Variants in TYW1B observed in about 807,000 individuals in gnomAD.
TYW1B encodes S-adenosyl-L-methionine-dependent tRNA 4-demethylwyosine synthase TYW1B.
Under a neutral mutation model 86.9 loss-of-function variants are expected in TYW1B, and 73 were observed. The ratio of observed to expected loss-of-function variants is 0.84; its 90% CI spans 0.70 to 1.02. The LOEUF (loss-of-function observed/expected upper bound fraction) is 1.02. Among genes scored for constraint, TYW1B ranks in the 50% least tolerant of loss-of-function variants. The pLI is 0.00. For synonymous variants in TYW1B, 248 were observed against 292.8 expected, an observed-to-expected ratio of 0.85 and a Z score of 1.56; for missense variants, 637 against 827.4, an observed-to-expected ratio of 0.77 and a Z score of 2.82.
Position 72,629,013 on chromosome 7 carries a change from A to G in TYW1B, c.1507-16T>C. 2 of 1,581,380 alleles carry G rather than the reference A, an allele frequency of 1.3e-6. No homozygotes were observed. The highest frequency in any genetic ancestry group is 1.7e-6 in the Non-Finnish European group (2 of 1,163,780). On this transcript the variant is annotated splice_polypyrimidine_tract_variant and intron_variant, in intron 11 of 13. Coordinates refer to ENST00000620995, the MANE Select transcript of TYW1B (RefSeq NM_001145440.3). ...TTCGTTGTTGCTAAAACAAAGGAAA[A>G]GCCAACTTCGTTGTTATCTTGGTGG...
intron 2 of TYW1B, among the ~76,000 whole-genome samples, chr7:72,825,959 T>C (rs531868551): frequency 3.3e-4 from 51 of 152,292 alleles, no homozygotes; most frequent in Non-Finnish European, 6.5e-4. Context: ...GGGAAAAGGC[T>C]GGGAGAAAGA....
chr7:72,772,458 AGTG>A (rs1787884090), intron 7 of TYW1B, among the ~76,000 whole-genome samples: 1 of 152,218 alleles, frequency 6.6e-6, no homozygotes, highest in African/African-American at 2.4e-5. Flanking sequence ...ACCAGATGTC[AGTG>A]GGAGATTAAA....
chr7:72,684,613 C>T (rs1426992088), intron 11 of TYW1B, among the ~76,000 whole-genome samples: 2 of 152,126 alleles, frequency 1.3e-5, no homozygotes, highest in Non-Finnish European at 2.9e-5. Context: ...GTCAGAAACT[C>T]AGATCTAAGA....
At chr7:72,638,565 A>G (rs1812725620) in intron 11 of TYW1B, among the ~76,000 whole-genome samples, 1 of 152,216 alleles carries the variant, frequency 6.6e-6, no homozygotes, top group African/African-American at 2.4e-5. Context: ...ACTTAATGGC[A>G]AGAACCTGGA....
chr7:72,669,615 A>AGCC (rs1241687110), intron 11 of TYW1B, among the ~76,000 whole-genome samples: 1 of 151,908 alleles, frequency 6.6e-6, no homozygotes, highest in African/African-American at 2.4e-5. Context: ...AAAAAAAATC[A>AGCC]GCCAGGCATG....
chr7:72,585,310 C>T (rs1276895649), intron 13 of TYW1B, among the ~76,000 whole-genome samples: 3 of 152,218 alleles, frequency 2.0e-5, no homozygotes, highest in Non-Finnish European at 4.4e-5. Context: ...TAGTTCTACA[C>T]ATTCAAGAGT....
At chr7:72,760,529 G>A (rs1249079999) in intron 7 of TYW1B, among the ~76,000 whole-genome samples, 2 of 152,246 alleles carry the variant, frequency 1.3e-5, no homozygotes, top group African/African-American at 2.4e-5. Context: ...GTGTTTATAC[G>A]TATGCACATG....
chr7:72,782,743 G>A (rs1788069742), intron 6 of TYW1B, among the ~76,000 whole-genome samples: 1 of 152,120 alleles, frequency 6.6e-6, no homozygotes, highest in Admixed American at 6.6e-5. Flanking sequence ...CAGGCATGGT[G>A]GCAAAGGCCT....
In TYW1B at chr7:72,661,091, C is replaced by T. The variant is rs148527785; in HGVS notation, c.1507-32094G>A. 4.7e-3 allele frequency among the ~76,000 whole-genome samples: 711 copies of T among 150,878 alleles called. 3 individuals carry two copies. Among genetic ancestry groups the T allele is most frequent in the East Asian group, 0.016 (82 of 5,160 alleles). ...CGGAGGTTGCAGTGAGCCAAGATCT[C>T]GCCACTACACTTCAGTCTGGACATC... is the stretch of plus-strand genomic sequence containing the variant. On this transcript the variant is annotated intron_variant, in intron 11 of 13. Transcript: ENST00000620995.
chr7:72,658,323 A>G lies in TYW1B; in HGVS notation c.1507-29326T>C, dbSNP rs542042231. Among the ~76,000 whole-genome samples, 6 of 152,300 alleles carry G rather than the reference A, an allele frequency of 3.9e-5. No homozygotes were observed. The South Asian group carries it at 1.2e-3, about 32-fold the overall frequency. ...TGGAATAAAATGCAACTAATTTAAC[A>G]CTGAGGTAAAACTGCTTGTATACAA... On this transcript the variant is annotated intron_variant, in intron 11 of 13. Transcript: ENST00000620995.
intron 11 of TYW1B, among the ~76,000 whole-genome samples, chr7:72,672,908 C>T (rs35488755): frequency 1.2e-4 from 18 of 152,320 alleles, no homozygotes; most frequent in South Asian, 6.2e-4. Flanking sequence ...GTGGCTCATG[C>T]CTGTAATCCC....
chr7:72,820,154 A>G (rs1350610928), intron 2 of TYW1B, among the ~76,000 whole-genome samples: 1 of 152,116 alleles, frequency 6.6e-6, no homozygotes, highest in Non-Finnish European at 1.5e-5. Context: ...GCACACCTGT[A>G]GTCCCAGCTA....
Position 72,770,427 on chromosome 7 carries a change from CAAAAAAAAA to C in TYW1B, c.964+6980_964+6988del, listed in dbSNP as rs587645992. Among the ~76,000 whole-genome samples the C allele has an allele frequency of 3.3e-3, 315 of 94,456 alleles. 1 individual carries two copies. Among genetic ancestry groups the C allele is most frequent in the African/African-American group, 0.013 (305 of 23,022 alleles). The allele number at this position is 94,456 out of a possible 152,430, so 62.0% of individuals were successfully genotyped here. ...CTGGCAACAGAGTGAGACTCCGTCTCAAAAAAAAAAAAAAAAAAAGAAAAAAGAAAAAAC... is the reference window on the plus strand; with the variant it reads ...CTGGCAACAGAGTGAGACTCCGTCTCAAAAAAAAAAGAAAAAAGAAAAAAC... On this transcript the variant is annotated intron_variant, in intron 7 of 13. Transcript: ENST00000620995.
intron 10 of TYW1B, among the ~76,000 whole-genome samples, chr7:72,712,512 G>A (rs868908550): frequency 1.3e-5 from 2 of 152,134 alleles, no homozygotes; most frequent in Admixed American, 1.3e-4. Context: ...ATTTTTAGTA[G>A]AGATGGGGTT....
intron 5 of TYW1B, among the ~76,000 whole-genome samples, chr7:72,803,424 C>T (rs1208013085): frequency 1.3e-5 from 2 of 152,060 alleles, no homozygotes; most frequent in Non-Finnish European, 2.9e-5. Context: ...GTATCTACTA[C>T]GTACCCCAAC....
chr7:72,653,066 G>GA (rs1362924982), intron 11 of TYW1B, among the ~76,000 whole-genome samples: 1 of 151,990 alleles, frequency 6.6e-6, no homozygotes, highest in African/African-American at 2.4e-5. Context: ...ATTACTAAGT[G>GA]AAAAAAATCA....
At chr7:72,587,929 C>A (rs1440977937) in intron 13 of TYW1B, among the ~76,000 whole-genome samples, 1 of 152,188 alleles carries the variant, frequency 6.6e-6, no homozygotes, top group Non-Finnish European at 1.5e-5. Context: ...TTGTCTCAGT[C>A]ATAATTTTGC....
intron 10 of TYW1B, among the ~76,000 whole-genome samples, chr7:72,695,261 C>T (rs1279316094): frequency 6.6e-6 from 1 of 152,124 alleles, no homozygotes; most frequent in Non-Finnish European, 1.5e-5. Context: ...TTCTAAGGAA[C>T]AAGAAACAAT....
At position 72,676,661 on chromosome 7, in the gene TYW1B, TA is replaced by T. The variant is rs113315400; in HGVS notation, c.1506+18025del. ...GCTTCAGCATAAACCATAAAGGCTT[TA>T]AAAAAAAAAACTTTTGGCTGGACGT... On this transcript the variant is annotated intron_variant, in intron 11 of 13. Transcript: ENST00000620995. 6.1e-5 allele frequency among the ~76,000 whole-genome samples: 9 copies of T among 147,084 alleles called. No homozygotes were observed. The South Asian group carries it at 1.1e-3, about 18-fold the overall frequency.
Sources: allele counts gnomAD v4.1 joint callset (sites outside exome capture counted in the v4.1 genomes callset), GRCh38; gene constraint gnomAD v4.1.1; transcripts MANE v1.5; gene names NCBI Gene and HGNC (gene_info 2026-07-23, HGNC 2026-07-21).